The following XPNPEP3 variants were observed in gnomAD, a reference collection of about 807,000 sequenced individuals.
XPNPEP3 encodes X-prolyl aminopeptidase 3, also known as xaa-Pro aminopeptidase 3.
XPNPEP3 carries 41 observed loss-of-function variants against 60.0 expected under a neutral mutation model. The observed-to-expected ratio is 0.68, with a 90% CI of 0.53 to 0.89. XPNPEP3 has a LOEUF of 0.89. XPNPEP3 is among the 40% of genes least tolerant of loss of function. The probability of loss-of-function intolerance (pLI) is 0.00; values close to 1 mark genes in which losing one functional copy is unlikely to be tolerated. For synonymous variants in XPNPEP3, 212 were observed against 223.2 expected (o/e 0.95, Z 0.45); for missense variants, 598 against 638.9 (o/e 0.94, Z 0.69).
intron 2 of XPNPEP3, among the ~76,000 whole-genome samples, chr22:40,870,662 G>A (rs2058000550): frequency 6.6e-6 from 1 of 152,158 alleles, no homozygotes. Flanking sequence ...TCTCCTTCCA[G>A]AGATGCAAAA....
chr22:40,899,122 TC>T (rs1455294791), intron 4 of XPNPEP3, among the ~76,000 whole-genome samples: 1 of 152,220 alleles, frequency 6.6e-6, no homozygotes, highest in Admixed American at 6.5e-5. Context: ...TGGCTCATTT[TC>T]TTCACTGAAT....
At chr22:40,902,304 G>A (rs1374605668) in intron 4 of XPNPEP3, among the ~76,000 whole-genome samples, 3 of 142,204 alleles carry the variant, frequency 2.1e-5, no homozygotes, top group Non-Finnish European at 4.5e-5. Context: ...AGGCTGGAGT[G>A]CAGTGGCGCG....
intron 3 of XPNPEP3, among the ~76,000 whole-genome samples, 176 bp from the exon 4 acceptor site, chr22:40,886,137 G>A (rs1489012693): frequency 1.3e-5 from 2 of 152,146 alleles, no homozygotes; most frequent in Non-Finnish European, 2.9e-5. Context: ...CCTTTCTAAT[G>A]ATTTATAATC....
Position 40,926,267 on chromosome 22 carries a change from A to G in XPNPEP3, c.1358-2A>G, listed in dbSNP as rs1218832781. On this transcript the variant is annotated splice_acceptor_variant, in intron 9 of 9. Coordinates refer to ENST00000357137, the MANE Select transcript of XPNPEP3 (RefSeq NM_022098.4). LOFTEE classifies it high-confidence loss of function. ...CAGCATGTTCTTCTTTCTACTTCAC[A>G]GGCATTTATATTCCAGAGGATGACA... The G allele has an allele frequency of 2.5e-6, 4 of 1,614,040 alleles. No homozygotes were observed. The highest frequency in any genetic ancestry group is 2.7e-5 in the African/African-American group (2 of 74,926).
chr22:40,890,869 A>G (rs535037611), intron 4 of XPNPEP3, among the ~76,000 whole-genome samples: 1 of 152,248 alleles, frequency 6.6e-6, no homozygotes, highest in South Asian at 2.1e-4. Context: ...CCCTGTCTCA[A>G]TAAAGAAATA....
chr22:40,890,738 G>A (rs993508731), intron 4 of XPNPEP3, among the ~76,000 whole-genome samples: 3 of 151,824 alleles, frequency 2.0e-5, no homozygotes, highest in African/African-American at 7.3e-5. Flanking sequence ...ATGGTGGTAC[G>A]CACCTGTAGT....
chr22:40,887,804 C>T (rs766885353), intron 4 of XPNPEP3, among the ~76,000 whole-genome samples: 11 of 151,768 alleles, frequency 7.2e-5, no homozygotes, highest in Non-Finnish European at 1.5e-4. Context: ...TAAAGCCCCC[C>T]GAGAGTTTTC....
At position 40,926,937 on chromosome 22, in the gene XPNPEP3, A is replaced by C; in HGVS notation, c.*502A>C. On this transcript the variant is annotated 3_prime_UTR_variant, in exon 10 of 10. Coordinates refer to ENST00000357137, the MANE Select transcript of XPNPEP3 (RefSeq NM_022098.4). ...GGGCGGCCAATACATACCTTCTGTA[A>C]CTCCTCCCTACCTATTCTAGATCCT... 3 of 211,890 alleles carry C rather than the reference A, an allele frequency of 1.4e-5. No homozygotes were observed. The highest frequency in any genetic ancestry group is 1.3e-4 in the East Asian group (1 of 7,632). 13.1% of individuals were successfully genotyped at this position (211,890 alleles called of 1,614,324 possible).
chr22:40,860,703 A>C, intron 1 of XPNPEP3: 1 of 1,077,958 alleles, frequency 9.3e-7, no homozygotes, highest in Non-Finnish European at 1.3e-6. Flanking sequence ...CCCAAGCTGG[A>C]GTGCAGTGGC....
rs1187647559 is a variant in XPNPEP3 at position 40,916,921 on chromosome 22, C to CA, written c.1055+2604dup. On this transcript the variant is annotated intron_variant, in intron 7 of 9. Transcript: ENST00000357137. Reference sequence around the variant, plus strand: ...GCAGCATAGTGAAACCTGGTCTTTACAAAAAAATTAGCCAGGCGTGGTGGC... The same window carrying CA: ...GCAGCATAGTGAAACCTGGTCTTTACAAAAAAAATTAGCCAGGCGTGGTGGC... Among the ~76,000 whole-genome samples the CA allele has an allele frequency of 2.6e-5, 4 of 151,488 alleles. No individual in the cohort carries two copies. The East Asian group carries it at 7.7e-4, about 29-fold the overall frequency.
intron 9 of XPNPEP3, among the ~76,000 whole-genome samples, chr22:40,925,721 T>C (rs1208329118): frequency 1.3e-5 from 2 of 152,236 alleles, no homozygotes; most frequent in African/African-American, 4.8e-5. Context: ...CAGTTTCTCT[T>C]GTATTTTATA....
intron 3 of XPNPEP3, 150 bp downstream of exon 3, chr22:40,882,327 G>GCTCA: frequency 1.1e-6 from 1 of 946,600 alleles, no homozygotes; most frequent in Non-Finnish European, 1.6e-6. Context: ...TTTTTCAGAA[G>GCTCA]ATTGAGCTTC....
At chr22:40,920,272 G>T (rs1406484498) in intron 7 of XPNPEP3, among the ~76,000 whole-genome samples, 1 of 152,126 alleles carries the variant, frequency 6.6e-6, no homozygotes, top group East Asian at 1.9e-4. Context: ...GGAGGCCGAG[G>T]CAGGAGAATC....
At position 40,857,163 on chromosome 22, in the gene XPNPEP3, AC is replaced by A; in HGVS notation, c.-18del. 6.2e-7 allele frequency: 1 copy of A among 1,613,912 alleles called. No homozygotes were observed. The highest frequency in any genetic ancestry group is 8.5e-7 in the Non-Finnish European group (1 of 1,179,956). On this transcript the variant is annotated 5_prime_UTR_variant, in exon 1 of 10. Coordinates refer to ENST00000357137, the MANE Select transcript of XPNPEP3 (RefSeq NM_022098.4). ...CGTCGTTACCCTCTTTCTCTTCCCG[AC>A]GCGTGAGTTAGGCCGTAATGCCTTG...
chr22:40,862,957 G>A (rs1297997037), intron 1 of XPNPEP3, among the ~76,000 whole-genome samples: 6 of 152,222 alleles, frequency 3.9e-5, no homozygotes, highest in Non-Finnish European at 7.3e-5. Context: ...GCAATGTGCT[G>A]GGGGCAGAGC....
intron 8 of XPNPEP3, among the ~76,000 whole-genome samples, chr22:40,922,958 A>G (rs1186480896): frequency 6.6e-6 from 1 of 152,206 alleles, no homozygotes; most frequent in Non-Finnish European, 1.5e-5. Context: ...CAGTATTCAG[A>G]AAACTTAAAA....
intron 4 of XPNPEP3, among the ~76,000 whole-genome samples, chr22:40,887,502 G>C (rs1214141771): frequency 6.6e-6 from 1 of 152,120 alleles, no homozygotes; most frequent in Admixed American, 6.6e-5. Flanking sequence ...GGGCTCTCCC[G>C]GCTTACAGAA....
At chr22:40,860,994 TATC>T in intron 1 of XPNPEP3, 1 of 1,412,932 alleles carries the variant, frequency 7.1e-7, no homozygotes, top group Non-Finnish European at 9.6e-7. Flanking sequence ...TATTAAGTGT[TATC>T]TACAAAATTT....
chr22:40,879,961 G>A (rs1003187528), intron 2 of XPNPEP3, among the ~76,000 whole-genome samples: 3 of 146,852 alleles, frequency 2.0e-5, no homozygotes, highest in Non-Finnish European at 4.5e-5. Context: ...CAGGAGGTAA[G>A]AGTTTTAATG....
Sources: gnomAD v4.1 joint callset for allele counts (sites outside exome capture counted in the v4.1 genomes callset) on GRCh38, gnomAD v4.1.1 for gene constraint, MANE v1.5 for transcripts, NCBI Gene and HGNC (gene_info 2026-07-23, HGNC 2026-07-21) for gene names.